KBTBD11: variants seen among roughly 807,000 people sequenced by gnomAD.
The protein encoded by KBTBD11 is kelch repeat and BTB domain-containing protein 11.
For missense variants in KBTBD11, 1,390 were observed against 1,001.8 expected, an observed-to-expected ratio of 1.39 and a Z score of -5.23; for synonymous variants, 747 against 499.0, an observed-to-expected ratio of 1.50 and a Z score of -6.63.
Position 2,002,207 on chromosome 8 carries a change from G to T in KBTBD11, c.1015G>T (p.Glu339Ter). The change falls in exon 2 of 2, where the codon GAG becomes TAG. Residue 339 changes from glutamate to a stop codon, truncating the protein, a stop_gained. Coordinates refer to ENST00000320248, the MANE Select transcript of KBTBD11 (RefSeq NM_014867.3). LOFTEE classifies it low-confidence loss of function (END_TRUNC). This position sits in a 1 kb window ranked among gnomAD's most constrained non-coding sequence, Gnocchi z 4.1. Reference sequence around the variant, plus strand: ...CCACGCGGCGGCCGGAGAGTGGCGCGAGCTGACGCGGCTGCCCGAGGGCGC... The same window carrying T: ...CCACGCGGCGGCCGGAGAGTGGCGCTAGCTGACGCGGCTGCCCGAGGGCGC... Reference protein sequence around the residue: ...CFHAAAGEWRELTRLPEGAPA... With the variant: ...CFHAAAGEWR The T allele has an allele frequency of 7.9e-7, 1 of 1,261,804 alleles. No individual in the cohort carries two copies. 78.2% of individuals were successfully genotyped at this position (1,261,804 alleles called of 1,614,324 possible).
chr8:2,001,355 G>T lies in KBTBD11; in HGVS notation c.163G>T (p.Ala55Ser). 6.7e-7 allele frequency: 1 copy of T among 1,488,086 alleles called. No homozygotes were observed. Among genetic ancestry groups the T allele is most frequent in the Non-Finnish European group, 8.9e-7 (1 of 1,124,620 alleles). 92.2% of individuals were successfully genotyped at this position (1,488,086 alleles called of 1,614,324 possible). Residue 55 changes from alanine to serine, a missense_variant, in exon 2 of 2, where the codon GCC becomes TCC. Physicochemically the swap from Ala to Ser is moderately conservative, Grantham distance 99. Transcript: ENST00000320248. Reference sequence around the variant, plus strand: ...GGAAGAGTCCCCGCCGCAGTCCCTCGCCTCAGCGGCGGAAGGCGCGGCCAC... The same window carrying T: ...GGAAGAGTCCCCGCCGCAGTCCCTCTCCTCAGCGGCGGAAGGCGCGGCCAC... ...SGEESPPQSLASAAEGAATSP... is the reference protein window; with the variant it reads ...SGEESPPQSLSSAAEGAATSP...
intron 1 of KBTBD11, among the ~76,000 whole-genome samples, chr8:1,994,620 G>A (rs1438169895): frequency 1.3e-5 from 2 of 152,178 alleles, no homozygotes; most frequent in Admixed American, 6.5e-5. Context: ...AGGCTCCTGC[G>A]GGTGCCACGT....
chr8:1,999,022 C>T (rs1036585638), intron 1 of KBTBD11, among the ~76,000 whole-genome samples: 1 of 152,300 alleles, frequency 6.6e-6, no homozygotes, highest in South Asian at 2.1e-4. Context: ...TTGTCTGTGA[C>T]CTACCCTGGG....
At chr8:1,996,580 A>G (rs759312219) in intron 1 of KBTBD11, among the ~76,000 whole-genome samples, 6 of 152,166 alleles carry the variant, frequency 3.9e-5, no homozygotes, top group Non-Finnish European at 7.4e-5. Flanking sequence ...AGGACTGAGA[A>G]GCAAAACATA....
intron 1 of KBTBD11, among the ~76,000 whole-genome samples, chr8:1,980,491 C>T (rs565412755): frequency 6.6e-6 from 1 of 152,330 alleles, no homozygotes; most frequent in South Asian, 2.1e-4. Flanking sequence ...TCCCAAAGTG[C>T]AGGGATTACA....
rs756865323 is a variant in KBTBD11 at position 2,002,643 on chromosome 8, C to T, written c.1451C>T (p.Pro484Leu). The stretch of plus-strand genomic sequence containing the variant: ...CGGCGCGACGAGTGGCAGGAGTGCC[C>T]GTGCAGCAGCAGCCGCGAGCGCTCG... ...DPRRDEWQEC[P>L]CSSSRERSAD... Residue 484 changes from proline (P) to leucine (L), a missense_variant, in exon 2 of 2, where the codon CCG (proline) becomes CTG (leucine). Pro to Leu is a moderately conservative substitution (Grantham distance 98). Transcript: ENST00000320248. This position sits in a 1 kb window ranked among gnomAD's most constrained non-coding sequence, Gnocchi z 4.1. 6.3e-6 allele frequency: 10 copies of T among 1,578,376 alleles called. No individual in the cohort carries two copies. The highest frequency in any genetic ancestry group is 2.3e-5 in the East Asian group (1 of 43,180).
At chr8:1,991,365 T>TA (rs1211165808) in intron 1 of KBTBD11, among the ~76,000 whole-genome samples, 1 of 152,226 alleles carries the variant, frequency 6.6e-6, no homozygotes, top group Non-Finnish European at 1.5e-5. Flanking sequence ...CACGCTAGCC[T>TA]AAGCCAGAAG....
chr8:2,001,715 C>T lies in KBTBD11; in HGVS notation c.523C>T (p.Arg175Trp). 1 of 1,423,722 alleles carries T rather than the reference C, an allele frequency of 7.0e-7. No homozygotes were observed. The allele number at this position is 1,423,722 out of a possible 1,614,324, so 88.2% of individuals were successfully genotyped here. ...CGCGCGCGCGTCGCGGGACGTGCTGCGGGTGCAGGGAGTGAGCCTGACGGC... is the reference window on the plus strand; with the variant it reads ...CGCGCGCGCGTCGCGGGACGTGCTGTGGGTGCAGGGAGTGAGCCTGACGGC... ...FRARASRDVL[R>W]VQGVSLTALR... The change falls in exon 2 of 2, where the codon CGG becomes TGG. Residue 175 changes from arginine to tryptophan, a missense_variant. Transcript: ENST00000320248.
chr8:1,997,874 C>G (rs951653979), intron 1 of KBTBD11, among the ~76,000 whole-genome samples: 2 of 152,178 alleles, frequency 1.3e-5, no homozygotes, highest in African/African-American at 2.4e-5. Context: ...ACGGCGGCAA[C>G]GACAGAATAC....
intron 1 of KBTBD11, chr8:1,974,430 G>A: frequency 1.0e-6 from 1 of 984,346 alleles, no homozygotes; most frequent in Non-Finnish European, 1.2e-6. Flanking sequence ...TCCTCCCGGG[G>A]TTGCTCCGCT....
chr8:1,994,708 G>A (rs1349454732), intron 1 of KBTBD11, among the ~76,000 whole-genome samples: 1 of 152,194 alleles, frequency 6.6e-6, no homozygotes, highest in Admixed American at 6.5e-5. Context: ...TCGGACTCAC[G>A]TGTTGTCAGG....
rs1817585965 is a variant in KBTBD11 at position 2,006,813 on chromosome 8, G to C, written c.*3749G>C. The C allele has an allele frequency of 6.0e-6, 1 of 167,098 alleles. No homozygotes were observed. Among genetic ancestry groups the C allele is most frequent in the Non-Finnish European group, 1.5e-5 (1 of 68,134 alleles). 10.4% of individuals were successfully genotyped at this position (167,098 alleles called of 1,614,324 possible). A position where few individuals can be genotyped will look rare whatever the true frequency, so the allele number is the denominator to read the frequency against. On this transcript the variant is annotated 3_prime_UTR_variant, in exon 2 of 2. Coordinates refer to ENST00000320248, the MANE Select transcript of KBTBD11 (RefSeq NM_014867.3). ...AGGCCAAGTTCAGGGCAGCTGTTGTGATCTGTGTAGTTAATGTATTTATTA... is the reference window on the plus strand; with the variant it reads ...AGGCCAAGTTCAGGGCAGCTGTTGTCATCTGTGTAGTTAATGTATTTATTA...
chr8:1,993,463 A>C (rs1019789478), intron 1 of KBTBD11, among the ~76,000 whole-genome samples: 1 of 149,060 alleles, frequency 6.7e-6, no homozygotes, highest in East Asian at 2.0e-4. Flanking sequence ...CCAATCACCC[A>C]TCTGTCTATC....
In KBTBD11 at chr8:1,987,890, A is replaced by C. The variant is rs974480332; in HGVS notation, c.-908-12395A>C. Among the ~76,000 whole-genome samples, 39 of 151,634 alleles carry C rather than the reference A, an allele frequency of 2.6e-4. 2 individuals are homozygous for C. The highest frequency in any genetic ancestry group is 1.5e-5 in the Non-Finnish European group (1 of 67,936). Reference sequence around the variant, plus strand: ...AATGCTTTCCCTCCCCCAGCTCCCCAGCCCCCGACGGGCCCCGGTGTGTGA... The same window carrying C: ...AATGCTTTCCCTCCCCCAGCTCCCCCGCCCCCGACGGGCCCCGGTGTGTGA... On this transcript the variant is annotated intron_variant, in intron 1 of 1. Coordinates refer to ENST00000320248, the MANE Select transcript of KBTBD11 (RefSeq NM_014867.3).
chr8:1,986,777 C>T (rs2129311291), intron 1 of KBTBD11, among the ~76,000 whole-genome samples: 1 of 152,200 alleles, frequency 6.6e-6, no homozygotes, highest in South Asian at 2.1e-4. Context: ...ATATTTCAAA[C>T]ACCATAATGC....
chr8:1,973,960 C>A, intron 1 of KBTBD11, 25 bp downstream of exon 1: 1 of 976,838 alleles, frequency 1.0e-6, no homozygotes, highest in South Asian at 4.7e-5. Context: ...GGGGAGGCAG[C>A]GGCGGGGCCT....
In KBTBD11 at chr8:1,973,871, G is replaced by A; in HGVS notation, c.-973G>A. ...GGTGCCGGGAAGCGGCCGCGCGCAT[G>A]CGCCGGAGCCCACCCGCCTGGCTGC... On this transcript the variant is annotated 5_prime_UTR_variant, in exon 1 of 2. The change abolishes an upstream ATG in the 5' untranslated region. Transcript: ENST00000320248. The A allele has an allele frequency of 1.0e-6, 1 of 982,916 alleles. No individual in the cohort carries two copies. The highest frequency in any genetic ancestry group is 1.2e-6 in the Non-Finnish European group (1 of 828,968). 60.9% of individuals were successfully genotyped at this position (982,916 alleles called of 1,614,324 possible).
In KBTBD11 at chr8:2,003,173, G is replaced by A; in HGVS notation, c.*109G>A. The A allele has an allele frequency of 8.0e-7, 1 of 1,246,382 alleles. No individual in the cohort carries two copies. Among genetic ancestry groups the A allele is most frequent in the Non-Finnish European group, 1.0e-6 (1 of 987,846 alleles). 77.2% of individuals were successfully genotyped at this position (1,246,382 alleles called of 1,614,324 possible). On this transcript the variant is annotated 3_prime_UTR_variant, in exon 2 of 2. Coordinates refer to ENST00000320248, the MANE Select transcript of KBTBD11 (RefSeq NM_014867.3). ...GGAGTCGGGGCCGCTGGCCACGCTGGTGGTTTGGACACTTCGAAGGAGCCC... is the reference window on the plus strand; with the variant it reads ...GGAGTCGGGGCCGCTGGCCACGCTGATGGTTTGGACACTTCGAAGGAGCCC...
In KBTBD11 at chr8:2,001,810, G is replaced by C; in HGVS notation, c.618G>C (p.Glu206Asp). 8.1e-7 allele frequency: 1 copy of C among 1,229,998 alleles called. No homozygotes were observed. The highest frequency in any genetic ancestry group is 1.0e-6 in the Non-Finnish European group (1 of 990,096). The allele number at this position is 1,229,998 out of a possible 1,614,324, so 76.2% of individuals were successfully genotyped here. A position where few individuals can be genotyped will look rare whatever the true frequency, so the allele number is the denominator to read the frequency against. ...MAGVRPDNVAEVVAGARRLQL... is the reference protein window; with the variant it reads ...MAGVRPDNVADVVAGARRLQL... The stretch of plus-strand genomic sequence containing the variant: ...GCGTGCGGCCCGACAACGTGGCCGA[G>C]GTGGTGGCCGGCGCGCGCCGCCTGC... Residue 206 changes from glutamate (E) to aspartate (D), a missense_variant, in exon 2 of 2, where the codon GAG (glutamate) becomes GAC (aspartate). Physicochemically the swap from Glu to Asp is conservative, Grantham distance 45. Transcript: ENST00000320248.
Sources: allele counts gnomAD v4.1 joint callset (sites outside exome capture counted in the v4.1 genomes callset), GRCh38; gene constraint gnomAD v4.1.1; non-coding constraint Gnocchi (gnomAD v3.1); transcripts MANE v1.5; gene names NCBI Gene and HGNC (gene_info 2026-07-23, HGNC 2026-07-21).